The following RELCH variants were observed in gnomAD, a reference collection of about 807,000 sequenced individuals.
RELCH encodes RAB11 binding and LisH domain, coiled-coil and HEAT repeat containing.
Under a neutral mutation model 150.3 loss-of-function variants are expected in RELCH, and 41 were observed. The observed-to-expected ratio is 0.27, with a 90% CI of 0.21 to 0.35. The LOEUF is 0.35. RELCH is among the 10% of genes least tolerant of loss of function. RELCH has a pLI of 1.00. For synonymous variants in RELCH, 478 were observed against 531.8 expected (o/e 0.90, Z 1.39); for missense variants, 1,092 against 1,467.8 (o/e 0.74, Z 4.18).
chr18:62,257,705 C>T (rs2043057851), intron 13 of RELCH, among the ~76,000 whole-genome samples: 2 of 151,836 alleles, frequency 1.3e-5, no homozygotes, highest in Non-Finnish European at 2.9e-5. Context: ...GTAGATATTA[C>T]TGCCTCTAGA....
chr18:62,259,373 G>A (rs2043146377), intron 15 of RELCH, among the ~76,000 whole-genome samples: 1 of 151,280 alleles, frequency 6.6e-6, no homozygotes, highest in South Asian at 2.1e-4. Context: ...AATCAAGAAA[G>A]CAATCACATT....
In RELCH at chr18:62,287,245, TA is replaced by T. The variant is rs1400877500; in HGVS notation, c.3254-102del. 1.2e-5 allele frequency: 8 copies of T among 662,744 alleles called. No individual in the cohort carries two copies. In the African/African-American group the frequency reaches 1.5e-4, roughly 12 times the overall value. 41.1% of individuals were successfully genotyped at this position (662,744 alleles called of 1,614,324 possible). On this transcript the variant is annotated intron_variant, in intron 25 of 28. Coordinates refer to ENST00000644646, the MANE Select transcript of RELCH (RefSeq NM_001346231.2). ...GTAATCTTTTGAAGTCATTCAGAAT[TA>T]AAATGAAATTTCATAAATTAAAGTG...
chr18:62,252,907 G>A (rs115709089), intron 12 of RELCH, among the ~76,000 whole-genome samples, 153 bp downstream of exon 12: 3,419 of 152,174 alleles, frequency 0.022, 42 homozygotes, highest in Middle Eastern at 0.068. Flanking sequence ...TAGTACTTAC[G>A]AATGCTCTGG....
chr18:62,246,798 T>C (rs2042437066), intron 11 of RELCH: 1 of 152,200 alleles, frequency 6.6e-6, no homozygotes, highest in Non-Finnish European at 1.5e-5. Flanking sequence ...CATTCAGAGA[T>C]TATTATTCCC....
intron 1 of RELCH, among the ~76,000 whole-genome samples, chr18:62,190,321 G>A (rs995412365): frequency 9.2e-5 from 14 of 152,280 alleles, no homozygotes; most frequent in Admixed American, 5.9e-4. Context: ...GCTCACGCCC[G>A]TAATCCCAAC....
chr18:62,242,938 G>A lies in RELCH; in HGVS notation c.1621-1826G>A, dbSNP rs575996377. On this transcript the variant is annotated intron_variant, in intron 10 of 28. Coordinates refer to ENST00000644646, the MANE Select transcript of RELCH (RefSeq NM_001346231.2). ...GGAAGAAATGGGAAAAATAGTATGA[G>A]AAGTATACATGTAGAGATGATGGGA... 1.3e-3 allele frequency among the ~76,000 whole-genome samples: 192 copies of A among 152,162 alleles called. 2 individuals carry two copies. The highest frequency in any genetic ancestry group is 8.1e-3 in the South Asian group (39 of 4,826).
In RELCH at chr18:62,258,567, C is replaced by G; in HGVS notation, c.2093C>G (p.Ala698Gly). 1 of 1,606,700 alleles carries G rather than the reference C, an allele frequency of 6.2e-7. No individual in the cohort carries two copies. Among genetic ancestry groups the G allele is most frequent in the Non-Finnish European group, 8.5e-7 (1 of 1,177,398 alleles). ...GATCCCTCAGAAAGAGTAGTTAGTG[C>G]TACACATCAAGTATTTTTACCAGCT... The part of the protein sequence containing the change: ...LGDPSERVVS[A>G]THQVFLPAYA... Residue 698 changes from alanine (A) to glycine (G), a missense_variant, in exon 15 of 29, where the codon GCT (alanine) becomes GGT (glycine). Around this residue, in one of 4 missense-constraint regions of RELCH, gnomAD observed 707 missense variants for 1,025.4 expected, o/e 0.69. Transcript: ENST00000644646.
chr18:62,253,145 G>A (rs2144588513), intron 12 of RELCH, among the ~76,000 whole-genome samples: 1 of 152,224 alleles, frequency 6.6e-6, no homozygotes. Flanking sequence ...GCTCTCCTAT[G>A]AAGGGTGGTC....
At chr18:62,246,879 C>G (rs1181548878) in intron 11 of RELCH, 1 of 152,108 alleles carries the variant, frequency 6.6e-6, no homozygotes, top group Non-Finnish European at 1.5e-5. Context: ...TTATCACAAA[C>G]AAAGCCAGAT....
chr18:62,241,876 CAG>C (rs1336111461), intron 10 of RELCH, among the ~76,000 whole-genome samples: 1 of 152,134 alleles, frequency 6.6e-6, no homozygotes, highest in Admixed American at 6.5e-5. Context: ...AATAACACAA[CAG>C]ACATATACTT....
Position 62,305,646 on chromosome 18 carries a change from A to G in RELCH, c.*112A>G. The G allele has an allele frequency of 9.0e-7, 1 of 1,113,802 alleles. No individual in the cohort carries two copies. Among genetic ancestry groups the G allele is most frequent in the Non-Finnish European group, 1.3e-6 (1 of 795,450 alleles). The allele number at this position is 1,113,802 out of a possible 1,614,324, so 69.0% of individuals were successfully genotyped here. A position where few individuals can be genotyped will look rare whatever the true frequency, so the allele number is the denominator to read the frequency against. ...CCTCAGTTTTATGTTCTTGCATTAT[A>G]ATTTTATCCTAACCTCCAAAGATAT... On this transcript the variant is annotated 3_prime_UTR_variant, in exon 29 of 29. Transcript: ENST00000644646. The surrounding 1 kb of genome is among the most constrained non-coding windows in gnomAD (Gnocchi z 4.0).
At chr18:62,197,083 G>A (rs2039099250) in intron 1 of RELCH, among the ~76,000 whole-genome samples, 1 of 152,108 alleles carries the variant, frequency 6.6e-6, no homozygotes, top group Non-Finnish European at 1.5e-5. Flanking sequence ...GGAAGTACAG[G>A]TGAAGGAAAG....
chr18:62,268,894 C>G lies in RELCH; in HGVS notation c.2706C>G (p.Leu902=). ...NIDSSAGNGV[L]TKATVPIYAT... ...ATTCCTCAGCAGGAAATGGGGTCCT[C>G]ACTAAAGCTACAGTCCCCATTTATG... Residue 902 remains leucine, a synonymous_variant, in exon 20 of 29, where the codon CTC becomes CTG. Coordinates refer to ENST00000644646, the MANE Select transcript of RELCH (RefSeq NM_001346231.2). 6.5e-7 allele frequency: 1 copy of G among 1,546,304 alleles called. No individual in the cohort carries two copies. The highest frequency in any genetic ancestry group is 1.3e-5 in the South Asian group (1 of 79,946).
At chr18:62,250,580 G>A (rs1356210545) in intron 11 of RELCH, among the ~76,000 whole-genome samples, 2 of 152,178 alleles carry the variant, frequency 1.3e-5, no homozygotes, top group Non-Finnish European at 2.9e-5. Context: ...TTGAGAAGTA[G>A]AAACAGAGGG....
chr18:62,280,506 T>TG, intron 23 of RELCH, 140 bp from the exon 24 acceptor site: 5 of 1,493,272 alleles, frequency 3.3e-6, no homozygotes, highest in Middle Eastern at 1.7e-4. Flanking sequence ...CTTCTTGGTC[T>TG]GCTTTTTTTA....
intron 2 of RELCH, among the ~76,000 whole-genome samples, chr18:62,218,211 A>T (rs1021077286): frequency 6.6e-6 from 1 of 151,954 alleles, no homozygotes; most frequent in African/African-American, 2.4e-5. Context: ...CAGGAAAAAA[A>T]TTCCAGAAAA....
At chr18:62,194,609 C>T (rs1353588916) in intron 1 of RELCH, among the ~76,000 whole-genome samples, 1 of 152,140 alleles carries the variant, frequency 6.6e-6, no homozygotes, top group African/African-American at 2.4e-5. Flanking sequence ...CTCCTGATCA[C>T]ACAAATTATA....
At chr18:62,207,752 A>C (rs1482583524) in intron 1 of RELCH, among the ~76,000 whole-genome samples, 3 of 152,210 alleles carry the variant, frequency 2.0e-5, no homozygotes, top group Non-Finnish European at 4.4e-5. Flanking sequence ...AAATTGTACA[A>C]CTGTCACCAC....
intron 20 of RELCH, among the ~76,000 whole-genome samples, chr18:62,269,984 C>G (rs2043802750): frequency 6.6e-6 from 1 of 152,122 alleles, no homozygotes; most frequent in African/African-American, 2.4e-5. Flanking sequence ...ACATAATGGT[C>G]TATTATAACT....
Sources: gnomAD v4.1 joint callset for allele counts (sites outside exome capture counted in the v4.1 genomes callset) on GRCh38, gnomAD v4.1.1 for gene constraint, gnomAD v4.1.1 regional missense constraint, Gnocchi (gnomAD v3.1) non-coding constraint, MANE v1.5 for transcripts, NCBI Gene and HGNC (gene_info 2026-07-23, HGNC 2026-07-21) for gene names.